The following MMS22L variants were observed in gnomAD, a reference collection of about 807,000 sequenced individuals.
MMS22L encodes the protein MMS22 like, DNA repair protein.
MMS22L carries 74 observed loss-of-function variants against 159.1 expected under a neutral mutation model. That is an observed-to-expected ratio of 0.47 (90% confidence interval 0.39 to 0.56). The LOEUF (loss-of-function observed/expected upper bound fraction) is 0.56. Among genes scored for constraint, MMS22L ranks in the 20% least tolerant of loss-of-function variants. MMS22L has a pLI of 0.00. For synonymous variants in MMS22L, 517 were observed against 506.9 expected (o/e 1.02, Z -0.27); for missense variants, 1,351 against 1,422.1 (o/e 0.95, Z 0.80).
rs922612560 is a variant in MMS22L at position 97,142,796 on chromosome 6, T to C, written c.*4010A>G. The C allele has an allele frequency of 2.0e-5, 3 of 152,120 alleles. No individual in the cohort carries two copies. Among genetic ancestry groups the C allele is most frequent in the Non-Finnish European group, 4.4e-5 (3 of 67,986 alleles). 9.4% of individuals were successfully genotyped at this position (152,120 alleles called of 1,614,324 possible). On this transcript the variant is annotated 3_prime_UTR_variant, in exon 25 of 25. Transcript: ENST00000683635. ...GTGAAAGTACACAGAAGCAGGTCCG[T>C]GTAATTATTTAAGAACAAGGTAGTT...
intron 20 of MMS22L, 147 bp from the exon 21 acceptor site, chr6:97,165,604 T>C (rs937500870): frequency 1.6e-5 from 11 of 694,840 alleles, no homozygotes; most frequent in Admixed American, 1.1e-4. Flanking sequence ...CCACAGATAA[T>C]GTACATACGA....
chr6:97,256,506 T>C (rs1401519481), intron 9 of MMS22L, among the ~76,000 whole-genome samples: 2 of 152,224 alleles, frequency 1.3e-5, no homozygotes, highest in Non-Finnish European at 2.9e-5. Flanking sequence ...TTTGCTTCAA[T>C]GAAAATAGCT....
intron 14 of MMS22L, among the ~76,000 whole-genome samples, chr6:97,195,832 A>G (rs1261440112): frequency 6.6e-6 from 1 of 152,192 alleles, no homozygotes; most frequent in East Asian, 1.9e-4. Context: ...AGCTTCTGTA[A>G]ACATCCAGGT....
intron 16 of MMS22L, among the ~76,000 whole-genome samples, chr6:97,179,979 T>C: frequency 6.6e-6 from 1 of 152,256 alleles, no homozygotes; most frequent in East Asian, 1.9e-4. Flanking sequence ...CATGAACGTA[T>C]GCTCTCTCAC....
intron 14 of MMS22L, among the ~76,000 whole-genome samples, chr6:97,218,716 T>C (rs1425637801): frequency 6.6e-6 from 1 of 152,194 alleles, no homozygotes. Flanking sequence ...TATTCAAGAC[T>C]GGTGTATTAG....
chr6:97,168,212 G>T lies in MMS22L; in HGVS notation c.2868C>A (p.Ile956=). 6.2e-7 allele frequency: 1 copy of T among 1,612,840 alleles called. No homozygotes were observed. The highest frequency in any genetic ancestry group is 8.5e-7 in the Non-Finnish European group (1 of 1,179,238). The change falls in exon 20 of 25, where the codon ATC becomes ATA. Residue 956 remains isoleucine, a synonymous_variant. Coordinates refer to ENST00000683635, the MANE Select transcript of MMS22L (RefSeq NM_001350599.2). The part of the protein sequence containing the change: ...MGILVKSWAQ[I]FATSKAQKLL... ...ATTTTTGGGCTTTAGAAGTGGCAAAGATTTGTGCCCATGATTTCACAAGAA... is the reference window on the plus strand; with the variant it reads ...ATTTTTGGGCTTTAGAAGTGGCAAATATTTGTGCCCATGATTTCACAAGAA...
chr6:97,233,771 T>G, intron 12 of MMS22L, 90 bp downstream of exon 12: 1 of 1,379,754 alleles, frequency 7.2e-7, no homozygotes, highest in Non-Finnish European at 9.6e-7. Context: ...GAAAAATCCA[T>G]AACTATTCAT....
chr6:97,276,662 T>C (rs886612490), intron 4 of MMS22L, among the ~76,000 whole-genome samples: 1 of 152,220 alleles, frequency 6.6e-6, no homozygotes, highest in Non-Finnish European at 1.5e-5. Context: ...CACGTCTTTG[T>C]TTATACAGTT....
In MMS22L at chr6:97,258,265, T is replaced by A. The variant is rs146010899; in HGVS notation, c.943-3532A>T. Among the ~76,000 whole-genome samples the A allele has an allele frequency of 1.4e-4, 22 of 152,374 alleles. No individual in the cohort carries two copies. The East Asian group carries it at 4.2e-3, about 29-fold the overall frequency. On this transcript the variant is annotated intron_variant, in intron 9 of 24. Transcript: ENST00000683635. ...CTATAGACCTTAAGGCTGACTCTCA[T>A]GTCCTTCTGACATGTACTCATCATT...
In MMS22L at chr6:97,269,948, T is replaced by C; in HGVS notation, c.651A>G (p.Ile217Met). 1 of 1,612,774 alleles carries C rather than the reference T, an allele frequency of 6.2e-7. No individual in the cohort carries two copies. ...SWHLLHLHLD[I>M]HWLVLEILYM... is the part of the protein sequence containing the mutation. Reference sequence around the variant, plus strand: ...AAAGAATTTCTAGCACCAGCCAATGTATATCCAAGTGGAGATGTAATAAAT... The same window carrying C: ...AAAGAATTTCTAGCACCAGCCAATGCATATCCAAGTGGAGATGTAATAAAT... The change falls in exon 7 of 25, where the codon ATA (isoleucine) becomes ATG (methionine). Residue 217 changes from isoleucine (I) to methionine (M), a missense_variant. Ile to Met is a conservative substitution (Grantham distance 10). Transcript: ENST00000683635.
chr6:97,181,692 A>G (rs1305455377), intron 16 of MMS22L, among the ~76,000 whole-genome samples: 4 of 152,058 alleles, frequency 2.6e-5, no homozygotes, highest in African/African-American at 7.2e-5. Context: ...TTAACAAACA[A>G]CTTTTTTTTT....
intron 11 of MMS22L, among the ~76,000 whole-genome samples, chr6:97,242,294 G>A (rs1012612697): frequency 1.3e-5 from 2 of 152,072 alleles, no homozygotes; most frequent in Non-Finnish European, 2.9e-5. Context: ...AGTTGTGTAT[G>A]TTCCCTATTT....
rs1011255807 is a variant in MMS22L, at chr6:97,142,291, T to C, written c.*4515A>G. 4.6e-5 allele frequency: 7 copies of C among 152,406 alleles called. No homozygotes were observed. Among genetic ancestry groups the C allele is most frequent in the African/African-American group, 1.7e-4 (7 of 41,454 alleles). 9.4% of individuals were successfully genotyped at this position (152,406 alleles called of 1,614,324 possible). A position where few individuals can be genotyped will look rare whatever the true frequency, so the allele number is the denominator to read the frequency against. ...CAATTCACAAATGCAATGAATTGGA[T>C]AGCCATTGGCACATCAAAAATTTTA... On this transcript the variant is annotated 3_prime_UTR_variant, in exon 25 of 25. Transcript: ENST00000683635.
intron 14 of MMS22L, among the ~76,000 whole-genome samples, chr6:97,208,198 C>T (rs1269716993): frequency 6.6e-6 from 1 of 152,056 alleles, no homozygotes; most frequent in East Asian, 1.9e-4. Flanking sequence ...AATGTACTCT[C>T]CTACCTTTAT....
chr6:97,274,100 G>A (rs189893098), intron 4 of MMS22L, among the ~76,000 whole-genome samples: 17 of 151,902 alleles, frequency 1.1e-4, no homozygotes, highest in Admixed American at 1.1e-3. Flanking sequence ...AGTTACTATG[G>A]GCAAAACACT....
At chr6:97,152,861 A>G (rs946534522) in intron 22 of MMS22L, among the ~76,000 whole-genome samples, 3 of 146,714 alleles carry the variant, frequency 2.0e-5, no homozygotes, top group African/African-American at 7.6e-5. Flanking sequence ...TTTAAGAGGC[A>G]GAGTCTTGCT....
rs1815875874 is a variant in MMS22L, at chr6:97,272,786, T to C, written c.524A>G (p.His175Arg). The C allele has an allele frequency of 5.0e-6, 8 of 1,614,034 alleles. No individual in the cohort carries two copies. Among genetic ancestry groups the C allele is most frequent in the Non-Finnish European group, 6.8e-6 (8 of 1,179,936 alleles). ...GTGTCCAATATACAAGAGTAATCCATGAAGCTCATCAATCAACACTGAGGG... is the reference window on the plus strand; with the variant it reads ...GTGTCCAATATACAAGAGTAATCCACGAAGCTCATCAATCAACACTGAGGG... ...QLPSVLIDEL[H>R]GLLLYIGHLS... Residue 175 changes from histidine (H) to arginine (R), a missense_variant, in exon 6 of 25, where the codon CAT becomes CGT. Transcript: ENST00000683635.
At chr6:97,218,247 GACAATAAAC>G (rs1809244288) in intron 14 of MMS22L, among the ~76,000 whole-genome samples, 1 of 152,120 alleles carries the variant, frequency 6.6e-6, no homozygotes, top group Admixed American at 6.5e-5. Context: ...GTACTTAGAA[GACAATAAAC>G]ACAGAGATGA....
chr6:97,172,246 C>G (rs1161993527), intron 19 of MMS22L, among the ~76,000 whole-genome samples: 1 of 151,730 alleles, frequency 6.6e-6, no homozygotes, highest in Non-Finnish European at 1.5e-5. Context: ...ATAGCTTTTC[C>G]TGTAATTTAC....
Sources: gnomAD v4.1 joint callset for allele counts (sites outside exome capture counted in the v4.1 genomes callset) on GRCh38, gnomAD v4.1.1 for gene constraint, MANE v1.5 for transcripts, NCBI Gene and HGNC (gene_info 2026-07-23, HGNC 2026-07-21) for gene names.